NDUFB8: variants seen among roughly 807,000 people sequenced by gnomAD.
NDUFB8 encodes the protein NADH dehydrogenase [ubiquinone] 1 beta subcomplex subunit 8, mitochondrial.
NDUFB8 carries 17 observed loss-of-function variants against 26.0 expected under a neutral mutation model. The observed-to-expected ratio is 0.65, with a 90% CI of 0.45 to 0.98. The LOEUF is 0.98. NDUFB8 is among the 50% of genes least tolerant of loss of function. The probability of loss-of-function intolerance (pLI) is 0.00; values close to 1 mark genes in which losing one functional copy is unlikely to be tolerated. For synonymous variants in NDUFB8, 89 were observed against 93.1 expected (o/e 0.96, Z 0.25); for missense variants, 238 against 255.0 (o/e 0.93, Z 0.45).
chr10:100,526,661 G>T, intron 3 of NDUFB8, 107 bp from the exon 4 acceptor site: 1 of 1,337,100 alleles, frequency 7.5e-7, no homozygotes, highest in Non-Finnish European at 1.0e-6. Context: ...GCATTCTACT[G>T]CCCTGGGACA....
intron 4 of NDUFB8, among the ~76,000 whole-genome samples, chr10:100,525,615 CGTGTGTGTGTGT>C (rs56705301): frequency 0.037 from 3,660 of 100,136 alleles, 156 homozygotes; most frequent in Admixed American, 0.068. Context: ...CCACCCAAAG[CGTGTGTGTGTGT>C]GTGTGTGTGT....
intron 4 of NDUFB8, among the ~76,000 whole-genome samples, chr10:100,525,616 GTGT>G (rs1852031824): frequency 6.2e-3 from 1 of 162 alleles, no homozygotes; most frequent in Non-Finnish European, 0.056. Flanking sequence ...CACCCAAAGC[GTGT>G]GTGTGTGTGT....
chr10:100,528,053 C>T (rs1374644286), intron 2 of NDUFB8, among the ~76,000 whole-genome samples: 3 of 152,184 alleles, frequency 2.0e-5, no homozygotes, highest in Non-Finnish European at 4.4e-5. Context: ...CTCCTGACCT[C>T]GTGATCTGCC....
chr10:100,524,335 A>G lies in NDUFB8; in HGVS notation c.469-406T>C, dbSNP rs1388815149. Reference sequence around the variant, plus strand: ...AGACTCAATCTCCTTTAAGTCACTCAGCCTCTAATGGTTCCACCACTAAAG... The same window carrying G: ...AGACTCAATCTCCTTTAAGTCACTCGGCCTCTAATGGTTCCACCACTAAAG... On this transcript the variant is annotated intron_variant, in intron 4 of 4. Transcript: ENST00000299166. This position sits in a 1 kb window ranked among gnomAD's most constrained non-coding sequence, Gnocchi z 4.0. Among the ~76,000 whole-genome samples the G allele has an allele frequency of 2.6e-5, 4 of 152,144 alleles. No homozygotes were observed. Among genetic ancestry groups the G allele is most frequent in the African/African-American group, 9.7e-5 (4 of 41,438 alleles).
At chr10:100,526,147 G>A in intron 4 of NDUFB8, 1 of 361,178 alleles carries the variant, frequency 2.8e-6, no homozygotes, top group Non-Finnish European at 4.9e-6. Context: ...GTGACTAGCT[G>A]GTTTCCACAC....
rs777509296 is a variant in NDUFB8 at position 100,524,161 on chromosome 10, G to C, written c.469-232C>G. The C allele has an allele frequency of 3.2e-5, 50 of 1,557,432 alleles. No homozygotes were observed. The highest frequency in any genetic ancestry group is 3.8e-5 in the Non-Finnish European group (44 of 1,145,732). ...TACACTGTGAGAGAGAAGGAGAAAG[G>C]GGGAGGGAAGGGGGTTAGGGAAAGG... On this transcript the variant is annotated intron_variant, in intron 4 of 4. Transcript: ENST00000299166. The surrounding 1 kb of genome is among the most constrained non-coding windows in gnomAD (Gnocchi z 4.0).
At chr10:100,525,423 AT>A (rs1416039597) in intron 4 of NDUFB8, among the ~76,000 whole-genome samples, 1 of 151,446 alleles carries the variant, frequency 6.6e-6, no homozygotes, top group Non-Finnish European at 1.5e-5. Context: ...TGCCTGGCTA[AT>A]TTTTTTGTAT....
At chr10:100,527,676 C>T (rs971369273) in intron 2 of NDUFB8, among the ~76,000 whole-genome samples, 3 of 152,152 alleles carry the variant, frequency 2.0e-5, no homozygotes, top group South Asian at 2.1e-4. Context: ...GTCACACAAT[C>T]GTGTGATATT....
At chr10:100,529,903 C>A, upstream of NDUFB8, 1 of 1,576,862 alleles carries the variant, frequency 6.3e-7, no homozygotes. Context: ...CCTGTCACGG[C>A]GGCTGAGCCG....
chr10:100,529,671 G>A, intron 1 of NDUFB8, 96 bp downstream of exon 1: 2 of 1,544,998 alleles, frequency 1.3e-6, no homozygotes, highest in Non-Finnish European at 1.8e-6. Flanking sequence ...CTCCCTACCC[G>A]GAGGCTGCCG....
chr10:100,523,933 C>T lies in NDUFB8; in HGVS notation c.469-4G>A, dbSNP rs779151793. ...TGTAAGGATACTGCTTTGGTCCCTACAGAAAAAAACACAGGTCAGCAAGAA... is the reference window on the plus strand; with the variant it reads ...TGTAAGGATACTGCTTTGGTCCCTATAGAAAAAAACACAGGTCAGCAAGAA... On this transcript the variant is annotated splice_polypyrimidine_tract_variant and splice_region_variant and intron_variant, in intron 4 of 4. Coordinates refer to ENST00000299166, the MANE Select transcript of NDUFB8 (RefSeq NM_005004.4). 16 of 1,614,038 alleles carry T rather than the reference C, an allele frequency of 9.9e-6. No individual in the cohort carries two copies. Among genetic ancestry groups the T allele is most frequent in the Non-Finnish European group, 1.4e-5 (16 of 1,179,996 alleles).
At chr10:100,525,921 T>G (rs1447116664) in intron 4 of NDUFB8, 1 of 153,710 alleles carries the variant, frequency 6.5e-6, no homozygotes, top group Non-Finnish European at 1.4e-5. Flanking sequence ...CTAAACTTCC[T>G]TAAAGCTAGA....
At chr10:100,526,183 TG>T in intron 4 of NDUFB8, 1 of 456,222 alleles carries the variant, frequency 2.2e-6, no homozygotes, top group Non-Finnish European at 3.8e-6. Context: ...AGTCTTCAAG[TG>T]TATCTACTCA....
chr10:100,527,868 G>A (rs1852079165), intron 2 of NDUFB8, among the ~76,000 whole-genome samples: 1 of 152,116 alleles, frequency 6.6e-6, no homozygotes, highest in African/African-American at 2.4e-5. Context: ...TGCCCAGACT[G>A]GAGGGCAATG....
intron 1 of NDUFB8, 99 bp downstream of exon 1, chr10:100,529,667 AC>A: frequency 6.5e-7 from 1 of 1,539,090 alleles, no homozygotes; most frequent in Non-Finnish European, 8.9e-7. Context: ...TCCACTCCCT[AC>A]CCGGAGGCTG....
chr10:100,529,668 C>A (rs566795694), intron 1 of NDUFB8, 99 bp downstream of exon 1: 1 of 1,545,508 alleles, frequency 6.5e-7, no homozygotes, highest in Non-Finnish European at 8.8e-7. Context: ...CCACTCCCTA[C>A]CCGGAGGCTG....
At chr10:100,529,533 A>G (rs759111839) in intron 1 of NDUFB8, 27 bp from the exon 2 acceptor site, 2 of 1,606,028 alleles carry the variant, frequency 1.2e-6, no homozygotes, top group African/African-American at 2.7e-5. Flanking sequence ...AACAGGTCAG[A>G]AGCGAGCCCG....
Position 100,529,461 on chromosome 10 carries a change from G to C in NDUFB8, c.131C>G (p.Thr44Ser), listed in dbSNP as rs1852110845. Residue 44 changes from threonine (T) to serine (S), a missense_variant, in exon 2 of 5, where the codon ACC becomes AGC. Transcript: ENST00000299166. ...KDMFPGPYPR[T>S]PEERAAAAKK... ...GGCGGCGGCGGCCCGTTCTTCTGGG[G>C]TCCTAGGATAGGGCCCCGGGAACAT... 1 of 1,613,030 alleles carries C rather than the reference G, an allele frequency of 6.2e-7. No individual in the cohort carries two copies. The highest frequency in any genetic ancestry group is 1.3e-5 in the African/African-American group (1 of 74,772).
chr10:100,527,876 A>G (rs551641596), intron 2 of NDUFB8, among the ~76,000 whole-genome samples: 2 of 152,256 alleles, frequency 1.3e-5, no homozygotes, highest in African/African-American at 4.8e-5. Flanking sequence ...CTGGAGGGCA[A>G]TGGCACAATC....
Sources: allele counts gnomAD v4.1 joint callset (sites outside exome capture counted in the v4.1 genomes callset), GRCh38; gene constraint gnomAD v4.1.1; non-coding constraint Gnocchi (gnomAD v3.1); transcripts MANE v1.5; gene names NCBI Gene and HGNC (gene_info 2026-07-23, HGNC 2026-07-21).